The following GLB1L2 variants were observed in gnomAD, a reference collection of about 807,000 sequenced individuals.
The protein encoded by GLB1L2 is beta-galactosidase-1-like protein 2.
A neutral mutation model predicts 84.1 loss-of-function variants in GLB1L2; 68 were observed. The ratio of observed to expected loss-of-function variants is 0.81; its 90% CI spans 0.67 to 0.99. The LOEUF (loss-of-function observed/expected upper bound fraction) is 0.99, where lower values mean the gene tolerates loss of function less well. Among genes scored for constraint, GLB1L2 ranks in the 50% least tolerant of loss-of-function variants. GLB1L2 has a pLI of 0.00. For missense variants in GLB1L2, 762 were observed against 805.6 expected, an observed-to-expected ratio of 0.95 and a Z score of 0.66; for synonymous variants, 290 against 318.0, an observed-to-expected ratio of 0.91 and a Z score of 0.94.
chr11:134,374,220 C>A lies in GLB1L2; in HGVS notation c.1671C>A (p.Ile557=). 6.2e-7 allele frequency: 1 copy of A among 1,613,872 alleles called. No individual in the cohort carries two copies. Among genetic ancestry groups the A allele is most frequent in the Non-Finnish European group, 8.5e-7 (1 of 1,179,732 alleles). Residue 557 remains isoleucine (I), a synonymous_variant, in exon 17 of 19, where the codon ATC becomes ATA. Transcript: ENST00000535456. ...CTTTCTTCTTGGGTAGCTTGTCCATCAGCTCCACCCCTTGTGACACCTTTC... is the reference window on the plus strand; with the variant it reads ...CTTTCTTCTTGGGTAGCTTGTCCATAAGCTCCACCCCTTGTGACACCTTTC... ...LPAFFLGSLS[I]SSTPCDTFLK...
Position 134,370,396 on chromosome 11 carries a change from G to A in GLB1L2, c.1212G>A (p.Gly404=), listed in dbSNP as rs201681168. The part of the protein sequence containing the change: ...LSLWDALKYL[G]EPIKSEKPIN... ...TGTGGGACGCCCTCAAGTACCTGGG[G>A]GAGGTGAGTGCTGTGGGCAGTCATC... Residue 404 remains glycine, a synonymous_variant, in exon 12 of 19, where the codon GGG becomes GGA. Transcript: ENST00000535456. This position sits in a 1 kb window ranked among gnomAD's most constrained non-coding sequence, Gnocchi z 4.7. 2.5e-6 allele frequency: 4 copies of A among 1,611,592 alleles called. No homozygotes were observed. In the Admixed American group the frequency reaches 5.0e-5, roughly 20 times the overall value.
intron 9 of GLB1L2, among the ~76,000 whole-genome samples, chr11:134,368,011 G>A (rs1381238804): frequency 6.6e-6 from 1 of 152,216 alleles, no homozygotes; most frequent in Non-Finnish European, 1.5e-5. Context: ...AGATGTGCAT[G>A]CTCGCCCCTC....
intron 5 of GLB1L2, among the ~76,000 whole-genome samples, chr11:134,354,274 CA>C (rs1943673997): frequency 6.6e-6 from 1 of 151,346 alleles, no homozygotes; most frequent in Admixed American, 6.6e-5. Context: ...CAACTGCACA[CA>C]AAAACTCCTT....
chr11:134,363,026 A>G (rs1319840194), intron 7 of GLB1L2, among the ~76,000 whole-genome samples: 2 of 152,158 alleles, frequency 1.3e-5, no homozygotes, highest in Admixed American at 6.5e-5. Flanking sequence ...GAGACGTATC[A>G]GGAAGGACAG....
chr11:134,351,350 T>C (rs940690119), intron 5 of GLB1L2, among the ~76,000 whole-genome samples: 2 of 149,812 alleles, frequency 1.3e-5, no homozygotes, highest in African/African-American at 4.9e-5. Context: ...TCTTTCTTTT[T>C]TTTTTTTTTT....
intron 1 of GLB1L2, among the ~76,000 whole-genome samples, chr11:134,341,799 C>G (rs1943466074): frequency 6.6e-6 from 1 of 152,216 alleles, no homozygotes; most frequent in South Asian, 2.1e-4. Flanking sequence ...CTCTGGCCAT[C>G]TGGGCCCTCT....
intron 5 of GLB1L2, among the ~76,000 whole-genome samples, chr11:134,352,780 T>C (rs1311939849): frequency 6.6e-6 from 1 of 152,010 alleles, no homozygotes; most frequent in Non-Finnish European, 1.5e-5. Context: ...CCCAAGTAGC[T>C]GGGATTACAG....
chr11:134,372,030 C>T (rs988772820), intron 15 of GLB1L2, among the ~76,000 whole-genome samples, 200 bp downstream of exon 15: 4 of 152,304 alleles, frequency 2.6e-5, no homozygotes, highest in South Asian at 4.1e-4. Flanking sequence ...TAGCACTGCA[C>T]GCGTGCATCG....
At chr11:134,345,411 G>A (rs1252361034) in intron 4 of GLB1L2, among the ~76,000 whole-genome samples, 1 of 152,236 alleles carries the variant, frequency 6.6e-6, no homozygotes, top group East Asian at 1.9e-4. Context: ...CTGTGGAGCT[G>A]TGAGTCCTGG....
intron 6 of GLB1L2, among the ~76,000 whole-genome samples, chr11:134,357,911 AGT>A (rs1315899257): frequency 6.6e-6 from 1 of 152,098 alleles, no homozygotes; most frequent in Admixed American, 6.6e-5. Context: ...GGAAATGTTA[AGT>A]GTGTGTGTAT....
chr11:134,368,781 G>A lies in GLB1L2; in HGVS notation c.1027G>A (p.Asp343Asn). ...HDYKSDVTSY[D>N]YDAVLTEAGD... The stretch of plus-strand genomic sequence containing the variant: ...CTACAAGTCAGATGTCACCAGCTAT[G>A]GCAAGTATTCATCAGCACTGCTCTC... Residue 343 changes from aspartate to asparagine, a missense_variant and splice_region_variant, in exon 10 of 19, where the codon GAC becomes AAC. Physicochemically the swap from Asp to Asn is conservative, Grantham distance 23. Around this residue, in one of 3 missense-constraint regions of GLB1L2, gnomAD observed 603 missense variants for 611.7 expected, o/e 0.99. Transcript: ENST00000535456. The A allele has an allele frequency of 1.2e-6, 2 of 1,613,516 alleles. No homozygotes were observed. The highest frequency in any genetic ancestry group is 2.2e-5 in the South Asian group (2 of 91,068).
chr11:134,347,416 A>G lies in GLB1L2; in HGVS notation c.541A>G (p.Arg181Gly). Residue 181 changes from arginine to glycine, a missense_variant, in exon 5 of 19, where the codon AGG becomes GGG. Arg to Gly is a moderately radical substitution (Grantham distance 125, BLOSUM62 -2). Coordinates refer to ENST00000535456, the MANE Select transcript of GLB1L2 (RefSeq NM_001370461.1). ...VDLYFDHLMS[R>G]VVPLQYKRGG... is the part of the protein sequence containing the mutation. ...CCTTTATTTTGACCACCTGATGTCC[A>G]GGGTGGTGCCACTCCAGGTACAAGC... 1.2e-6 allele frequency: 2 copies of G among 1,612,144 alleles called. No homozygotes were observed. The highest frequency in any genetic ancestry group is 1.7e-6 in the Non-Finnish European group (2 of 1,178,138).
At chr11:134,351,208 C>T (rs969217979) in intron 5 of GLB1L2, among the ~76,000 whole-genome samples, 4 of 152,114 alleles carry the variant, frequency 2.6e-5, no homozygotes, top group African/African-American at 9.7e-5. Context: ...CCTTCTGTTC[C>T]TAGTTGACTG....
intron 8 of GLB1L2, among the ~76,000 whole-genome samples, chr11:134,365,940 A>G (rs1943862874): frequency 6.6e-6 from 1 of 152,208 alleles, no homozygotes; most frequent in Admixed American, 6.5e-5. Context: ...TGCCAGGAAC[A>G]GTGTGCTAAG....
rs992969518 is a variant in GLB1L2 at position 134,376,146 on chromosome 11, C to G, written c.*1088C>G. The G allele has an allele frequency of 1.3e-5, 2 of 152,780 alleles. No homozygotes were observed. The highest frequency in any genetic ancestry group is 2.9e-5 in the Non-Finnish European group (2 of 68,586). 9.5% of individuals were successfully genotyped at this position (152,780 alleles called of 1,614,324 possible). On this transcript the variant is annotated 3_prime_UTR_variant, in exon 19 of 19. Coordinates refer to ENST00000535456, the MANE Select transcript of GLB1L2 (RefSeq NM_001370461.1). ...ATGTCTGCACATCCAGGGAGGAGGA[C>G]AGAAGGCCCAGCTCAGTGGCCCCCG...
At position 134,370,968 on chromosome 11, in the gene GLB1L2, C is replaced by A; in HGVS notation, c.1216-40C>A. The A allele has an allele frequency of 6.2e-7, 1 of 1,610,876 alleles. No homozygotes were observed. The highest frequency in any genetic ancestry group is 8.5e-7 in the Non-Finnish European group (1 of 1,178,310). On this transcript the variant is annotated intron_variant, in intron 12 of 18. Coordinates refer to ENST00000535456, the MANE Select transcript of GLB1L2 (RefSeq NM_001370461.1). The surrounding 1 kb of genome is among the most constrained non-coding windows in gnomAD (Gnocchi z 4.7). ...GCAGAGTCTGTCTGTGACCCCACTC[C>A]TCCTGAGCCTGCCCACCCCTCCATC...
intron 15 of GLB1L2, among the ~76,000 whole-genome samples, chr11:134,373,156 C>T (rs1943979497): frequency 1.3e-5 from 2 of 152,206 alleles, no homozygotes; most frequent in African/African-American, 4.8e-5. Flanking sequence ...CCCAAGCTAG[C>T]CACTCAGCAG....
rs141934398 is a variant in GLB1L2 at position 134,370,395 on chromosome 11, G to C, written c.1211G>C (p.Gly404Ala). 1 of 1,611,926 alleles carries C rather than the reference G, an allele frequency of 6.2e-7. No individual in the cohort carries two copies. Among genetic ancestry groups the C allele is most frequent in the Non-Finnish European group, 8.5e-7 (1 of 1,178,698 alleles). ...CTGTGGGACGCCCTCAAGTACCTGG[G>C]GGAGGTGAGTGCTGTGGGCAGTCAT... ...LSLWDALKYLGEPIKSEKPIN... is the reference protein window; with the variant it reads ...LSLWDALKYLAEPIKSEKPIN... The change falls in exon 12 of 19, where the codon GGG becomes GCG. Residue 404 changes from glycine to alanine, a missense_variant. Gly to Ala is a moderately conservative substitution (Grantham distance 60). Transcript: ENST00000535456. This position sits in a 1 kb window ranked among gnomAD's most constrained non-coding sequence, Gnocchi z 4.7.
chr11:134,367,180 G>A, intron 8 of GLB1L2, 77 bp from the exon 9 acceptor site: 1 of 1,192,526 alleles, frequency 8.4e-7, no homozygotes, highest in Non-Finnish European at 1.2e-6. Flanking sequence ...GAGATCCTGG[G>A]GCTCCCCTCC....
Sources: allele counts gnomAD v4.1 joint callset (sites outside exome capture counted in the v4.1 genomes callset), GRCh38; gene constraint gnomAD v4.1.1; regional missense constraint gnomAD v4.1.1; non-coding constraint Gnocchi (gnomAD v3.1); transcripts MANE v1.5; gene names NCBI Gene and HGNC (gene_info 2026-07-23, HGNC 2026-07-21).